DAAM2: variants seen among roughly 807,000 people sequenced by gnomAD.
The protein encoded by DAAM2 is disheveled-associated activator of morphogenesis 2.
Under a neutral mutation model 120.7 loss-of-function variants are expected in DAAM2, and 39 were observed. That is an observed-to-expected ratio of 0.32 (90% CI 0.25 to 0.42). The LOEUF is 0.42. Among genes scored for constraint, DAAM2 ranks in the 10% least tolerant of loss-of-function variants. DAAM2 has a pLI of 1.00. For missense variants in DAAM2, 1,283 were observed against 1,401.7 expected (o/e 0.92, Z 1.35); for synonymous variants, 488 against 524.9 (o/e 0.93, Z 0.96).
At chr6:39,801,946 A>G (rs1761876658) in intron 1 of DAAM2, among the ~76,000 whole-genome samples, 2 of 152,252 alleles carry the variant, frequency 1.3e-5, no homozygotes, top group Admixed American at 1.3e-4. Flanking sequence ...TCACAGTGCC[A>G]GAGGCAGCTC....
chr6:39,800,147 G>A (rs535101178), intron 1 of DAAM2, among the ~76,000 whole-genome samples: 1 of 152,294 alleles, frequency 6.6e-6, no homozygotes, highest in South Asian at 2.1e-4. Flanking sequence ...ATTAAGTGTG[G>A]TTTCTTTCTG....
intron 1 of DAAM2, among the ~76,000 whole-genome samples, chr6:39,827,885 C>T (rs969895728): frequency 6.6e-6 from 1 of 152,176 alleles, no homozygotes; most frequent in Non-Finnish European, 1.5e-5. Flanking sequence ...GCCGCTCACA[C>T]TTCTAACTCC....
At chr6:39,864,587 C>T (rs2504094) in intron 4 of DAAM2, 80 bp downstream of exon 4, 1 of 1,149,884 alleles carries the variant, frequency 8.7e-7, no homozygotes, top group Non-Finnish European at 1.2e-6. Context: ...CCCCACCCCC[C>T]ACACACCAAA....
rs1295194163 is a variant in DAAM2, at chr6:39,828,101, G to C, written c.-56-28146G>C. 3.3e-5 allele frequency among the ~76,000 whole-genome samples: 5 copies of C among 152,176 alleles called. No individual in the cohort carries two copies. In the East Asian group the frequency reaches 9.6e-4, roughly 29 times the overall value. On this transcript the variant is annotated intron_variant, in intron 1 of 24. Coordinates refer to ENST00000274867, the MANE Select transcript of DAAM2 (RefSeq NM_001201427.2). ...CACAATGTTTGAAAACCACTGTTCTGTCTGACTCTCGCTAGACTATTAGCT... is the reference window on the plus strand; with the variant it reads ...CACAATGTTTGAAAACCACTGTTCTCTCTGACTCTCGCTAGACTATTAGCT...
At chr6:39,856,202 T>C in intron 1 of DAAM2, 45 bp from the exon 2 acceptor site, 1 of 1,335,458 alleles carries the variant, frequency 7.5e-7, no homozygotes, top group Non-Finnish European at 9.6e-7. Flanking sequence ...CCCTGGCCTA[T>C]CTGACTGTAT....
rs533158059 is a variant in DAAM2 at position 39,881,181 on chromosome 6, G to A, written c.1845+1704G>A. Among the ~76,000 whole-genome samples, 17 of 152,330 alleles carry A rather than the reference G, an allele frequency of 1.1e-4. 1 individual carries two copies. Among genetic ancestry groups the A allele is most frequent in the South Asian group, 1.0e-3 (5 of 4,832 alleles). ...TTTCTCTGGGTCCAGTAATAGTAAG[G>A]TCTATACAGATTGCCCAGGGGCCCA... On this transcript the variant is annotated intron_variant, in intron 14 of 24. Transcript: ENST00000274867.
chr6:39,825,383 T>TCAAAA (rs1762630330), intron 1 of DAAM2, among the ~76,000 whole-genome samples: 7 of 108,732 alleles, frequency 6.4e-5, no homozygotes, highest in African/African-American at 2.3e-4. Context: ...GCAAGACTGT[T>TCAAAA]TAAAACAAAA....
At position 39,904,273 on chromosome 6, in the gene DAAM2, G is replaced by C. The variant is rs1242520732; in HGVS notation, c.*2236G>C. 2 of 456,634 alleles carry C rather than the reference G, an allele frequency of 4.4e-6. No individual in the cohort carries two copies. The highest frequency in any genetic ancestry group is 8.8e-6 in the Non-Finnish European group (2 of 226,982). 28.3% of individuals were successfully genotyped at this position (456,634 alleles called of 1,614,324 possible). On this transcript the variant is annotated 3_prime_UTR_variant, in exon 25 of 25. Coordinates refer to ENST00000274867, the MANE Select transcript of DAAM2 (RefSeq NM_001201427.2). Reference sequence around the variant, plus strand: ...CTCAGCCTTCTCACTCTAAAAGAAAGATATTTTTCTATTTATTTTCTACAT... The same window carrying C: ...CTCAGCCTTCTCACTCTAAAAGAAACATATTTTTCTATTTATTTTCTACAT...
chr6:39,876,557 G>A lies in DAAM2; in HGVS notation c.1301+1089G>A, dbSNP rs147889022. On this transcript the variant is annotated intron_variant, in intron 11 of 24. Transcript: ENST00000274867. The stretch of plus-strand genomic sequence containing the variant: ...CAATGAAGTTTTTAACCCTTCTTGG[G>A]TAACAGGAGTCCTAAGATCACTTTC... Among the ~76,000 whole-genome samples, 46 of 152,244 alleles carry A rather than the reference G, an allele frequency of 3.0e-4. No individual in the cohort carries two copies. In the East Asian group the frequency reaches 8.7e-3, roughly 29 times the overall value.
chr6:39,875,517 C>G (rs1273985429), intron 11 of DAAM2, 49 bp downstream of exon 11: 2 of 1,583,630 alleles, frequency 1.3e-6, no homozygotes, highest in South Asian at 2.3e-5. Flanking sequence ...TTCCTCATCA[C>G]TCTCCCACTC....
chr6:39,892,556 G>A (rs1187227187), intron 19 of DAAM2, among the ~76,000 whole-genome samples: 2 of 152,152 alleles, frequency 1.3e-5, no homozygotes, highest in African/African-American at 4.8e-5. Flanking sequence ...GGTCAGGACG[G>A]TGGGCAGAGA....
chr6:39,861,692 G>T (rs114572422), intron 3 of DAAM2: 1,814 of 155,274 alleles, frequency 0.012, 30 homozygotes, highest in African/African-American at 0.039. Context: ...ATTTTAGTCT[G>T]TTTCTTTTGC....
chr6:39,891,860 A>G (rs1052195429), intron 19 of DAAM2, 138 bp downstream of exon 19: 73 of 664,300 alleles, frequency 1.1e-4, no homozygotes, highest in Non-Finnish European at 1.6e-4. Flanking sequence ...AGTCAAAGAC[A>G]AAATCTAAAA....
intron 22 of DAAM2, 104 bp from the exon 23 acceptor site, chr6:39,899,972 CA>C: frequency 7.6e-7 from 1 of 1,307,336 alleles, no homozygotes. Context: ...TTCCCTCTTC[CA>C]AAGGGCTCAA....
chr6:39,828,663 A>G (rs1762768372), intron 1 of DAAM2, among the ~76,000 whole-genome samples: 1 of 150,292 alleles, frequency 6.7e-6, no homozygotes, highest in South Asian at 2.1e-4. Context: ...CCCGGGTTCA[A>G]GTGATTCTCC....
At chr6:39,897,829 C>G (rs145876254) in intron 21 of DAAM2, among the ~76,000 whole-genome samples, 2 of 152,308 alleles carry the variant, frequency 1.3e-5, no homozygotes, top group Non-Finnish European at 2.9e-5. Context: ...AAAGTCCCTA[C>G]TGCAGATAGC....
At chr6:39,828,538 G>A (rs1473109050) in intron 1 of DAAM2, among the ~76,000 whole-genome samples, 1 of 150,512 alleles carries the variant, frequency 6.6e-6, no homozygotes, top group African/African-American at 2.5e-5. Context: ...GGGCTAAAAG[G>A]GCCTAAGCTA....
At chr6:39,810,113 C>G (rs960723630) in intron 1 of DAAM2, among the ~76,000 whole-genome samples, 1 of 152,222 alleles carries the variant, frequency 6.6e-6, no homozygotes, top group Admixed American at 6.5e-5. Flanking sequence ...TAATAAGCTT[C>G]TCGGAAAGTC....
intron 3 of DAAM2, 138 bp from the exon 4 acceptor site, chr6:39,864,295 A>G (rs563396618): frequency 3.2e-6 from 2 of 623,090 alleles, no homozygotes; most frequent in East Asian, 2.8e-5. Context: ...CCTGGGGGAG[A>G]GTGTAATTTC....
Sources: gnomAD v4.1 joint callset for allele counts (sites outside exome capture counted in the v4.1 genomes callset) on GRCh38, gnomAD v4.1.1 for gene constraint, MANE v1.5 for transcripts, NCBI Gene and HGNC (gene_info 2026-07-23, HGNC 2026-07-21) for gene names.